SDK2: variants seen among roughly 807,000 people sequenced by gnomAD.
SDK2 encodes the protein protein sidekick-2.
SDK2 carries 105 observed loss-of-function variants against 253.9 expected under a neutral mutation model. That is an observed-to-expected ratio of 0.41 (90% CI 0.35 to 0.49). The LOEUF (loss-of-function observed/expected upper bound fraction) is 0.49. Ranked by LOEUF, SDK2 falls within the 20% of genes least tolerant of loss-of-function variation. SDK2 has a pLI of 0.06. For missense variants in SDK2, 2,608 were observed against 3,003.0 expected, an observed-to-expected ratio of 0.87 and a Z score of 3.07; for synonymous variants, 1,249 against 1,234.9, an observed-to-expected ratio of 1.01 and a Z score of -0.24.
intron 1 of SDK2, among the ~76,000 whole-genome samples, chr17:73,572,828 C>A (rs1444419779): frequency 6.6e-6 from 1 of 152,196 alleles, no homozygotes; most frequent in African/African-American, 2.4e-5. Flanking sequence ...ACTCCTCCAC[C>A]CCAATCTGGT....
chr17:73,630,441 C>G (rs767023474), intron 1 of SDK2, among the ~76,000 whole-genome samples: 2 of 152,084 alleles, frequency 1.3e-5, no homozygotes, highest in Non-Finnish European at 2.9e-5. Context: ...GATGAAAGGG[C>G]ACCCCCTCAT....
intron 1 of SDK2, among the ~76,000 whole-genome samples, chr17:73,587,088 C>G (rs1253120189): frequency 6.6e-6 from 1 of 152,174 alleles, no homozygotes; most frequent in Admixed American, 6.5e-5. Flanking sequence ...TAGAGATATT[C>G]CACTAAGTGA....
At chr17:73,427,741 A>C (rs1267995028) in intron 12 of SDK2, among the ~76,000 whole-genome samples, 1 of 152,106 alleles carries the variant, frequency 6.6e-6, no homozygotes, top group Non-Finnish European at 1.5e-5. Context: ...GCAAAGCTAT[A>C]AAACTCCTAG....
rs1259661257 is a variant in SDK2 at position 73,431,641 on chromosome 17, C to G, written c.1341G>C (p.Val447=). The G allele has an allele frequency of 2.5e-6, 4 of 1,611,636 alleles. No homozygotes were observed. The highest frequency in any genetic ancestry group is 3.4e-6 in the Non-Finnish European group (4 of 1,178,954). ...KGERILASGS[V]QLPRFTPLES... ...CCAGGGGTGTGAAGCGAGGCAGCTG[C>G]ACAGAGCCACTGGCCAAGATGCGCT... is the stretch of plus-strand genomic sequence containing the variant. Residue 447 remains valine (V), a synonymous_variant, in exon 11 of 45, where the codon GTG becomes GTC. Transcript: ENST00000392650. This position sits in a 1 kb window ranked among gnomAD's most constrained non-coding sequence, Gnocchi z 5.6.
Position 73,361,537 on chromosome 17 carries a change from G to C in SDK2, c.5467+147C>G, listed in dbSNP as rs1008854172. The C allele has an allele frequency of 3.7e-5, 26 of 712,138 alleles. No homozygotes were observed. In the Middle Eastern group the frequency reaches 1.4e-3, roughly 37 times the overall value. The allele number at this position is 712,138 out of a possible 1,614,324, so 44.1% of individuals were successfully genotyped here. On this transcript the variant is annotated intron_variant, in intron 39 of 44. Transcript: ENST00000392650. The surrounding 1 kb of genome is among the most constrained non-coding windows in gnomAD (Gnocchi z 4.1). The stretch of plus-strand genomic sequence containing the variant: ...AGCCCGGGAGGAGGGAGCGGGGGGA[G>C]GGGTCACTGGGCACCAGGGGAAAGA...
At chr17:73,553,987 G>A (rs2045104875) in intron 1 of SDK2, among the ~76,000 whole-genome samples, 2 of 152,176 alleles carry the variant, frequency 1.3e-5, no homozygotes, top group Admixed American at 6.5e-5. Flanking sequence ...CATGGAGGGA[G>A]GGTTACTAGG....
chr17:73,452,879 A>C (rs1330873876), intron 4 of SDK2, among the ~76,000 whole-genome samples: 1 of 152,136 alleles, frequency 6.6e-6, no homozygotes, highest in Admixed American at 6.5e-5. Flanking sequence ...CTGTGTGGAG[A>C]GCATTCCCCT....
intron 2 of SDK2, among the ~76,000 whole-genome samples, chr17:73,482,323 T>C (rs1205458198): frequency 6.6e-6 from 1 of 151,566 alleles, no homozygotes; most frequent in Non-Finnish European, 1.5e-5. Context: ...TGGTTCCTCA[T>C]AGGGCTGAGC....
chr17:73,372,850 T>G (rs934669327), intron 36 of SDK2, among the ~76,000 whole-genome samples: 3 of 152,256 alleles, frequency 2.0e-5, no homozygotes, highest in African/African-American at 7.2e-5. Flanking sequence ...TATGAAATGA[T>G]TACCACAATC....
intron 1 of SDK2, among the ~76,000 whole-genome samples, chr17:73,574,617 A>G (rs926672315): frequency 1.3e-5 from 2 of 152,114 alleles, no homozygotes. Flanking sequence ...CCAGGAGACA[A>G]GGTCCTCTGT....
intron 30 of SDK2, 31 bp downstream of exon 30, chr17:73,387,805 G>A (rs2062885615): frequency 2.6e-6 from 4 of 1,517,320 alleles, no homozygotes; most frequent in Admixed American, 2.0e-5. Context: ...GAGAGGGGCA[G>A]TGGGGATGCT....
At chr17:73,385,248 C>A (rs1468037411) in intron 32 of SDK2, among the ~76,000 whole-genome samples, 2 of 152,150 alleles carry the variant, frequency 1.3e-5, no homozygotes, top group Non-Finnish European at 2.9e-5. Context: ...GGGGCAGGAC[C>A]CATGAGCAGC....
chr17:73,483,225 G>GC (rs575269416), intron 2 of SDK2, among the ~76,000 whole-genome samples: 297 of 151,662 alleles, frequency 2.0e-3, no homozygotes, highest in African/African-American at 6.9e-3. Flanking sequence ...CTGTGTCTGA[G>GC]CCCAGCTGGG....
Position 73,361,795 on chromosome 17 carries a change from G to A in SDK2, c.5356C>T (p.Leu1786=). 1 of 1,609,368 alleles carries A rather than the reference G, an allele frequency of 6.2e-7. No homozygotes were observed. ...VDVKGNSPLW[L]KVKDLAEGVT... ...CCCTCCGCCAGGTCCTTCACCTTCA[G>A]CCACAGGGGGCTGTTCCCCTTCACG... The change falls in exon 39 of 45, where the codon CTG becomes TTG. Residue 1786 remains leucine (L), a synonymous_variant. Transcript: ENST00000392650. The surrounding 1 kb of genome is among the most constrained non-coding windows in gnomAD (Gnocchi z 4.1).
intron 31 of SDK2, 123 bp downstream of exon 31, chr17:73,386,322 A>G (rs2062871431): frequency 1.4e-6 from 1 of 727,776 alleles, no homozygotes; most frequent in Non-Finnish European, 2.3e-6. Flanking sequence ...CCGGGAGCTG[A>G]AGGGCCCAGT....
chr17:73,561,941 C>T (rs968807961), intron 1 of SDK2, among the ~76,000 whole-genome samples: 2 of 152,162 alleles, frequency 1.3e-5, no homozygotes, highest in Non-Finnish European at 2.9e-5. Flanking sequence ...GCCTGATCAA[C>T]ATGGTGAAAC....
chr17:73,622,341 G>A (rs1295369713), intron 1 of SDK2, among the ~76,000 whole-genome samples: 5 of 152,224 alleles, frequency 3.3e-5, no homozygotes, highest in Non-Finnish European at 7.3e-5. Context: ...ATCTGCATGT[G>A]CAGATTTCAG....
chr17:73,341,906 G>T (rs779868730), intron 44 of SDK2, among the ~76,000 whole-genome samples: 2 of 152,094 alleles, frequency 1.3e-5, no homozygotes, highest in African/African-American at 4.8e-5. Flanking sequence ...CCTGAGCACC[G>T]ACGCTGCCTG....
intron 12 of SDK2, among the ~76,000 whole-genome samples, chr17:73,424,459 ATGC>A (rs2063263044): frequency 6.6e-6 from 1 of 152,224 alleles, no homozygotes; most frequent in Non-Finnish European, 1.5e-5. Flanking sequence ...GAAAAAAGGA[ATGC>A]AAGTTTCCTC....
Sources: gnomAD v4.1 joint callset for allele counts (sites outside exome capture counted in the v4.1 genomes callset) on GRCh38, gnomAD v4.1.1 for gene constraint, Gnocchi (gnomAD v3.1) non-coding constraint, MANE v1.5 for transcripts, NCBI Gene and HGNC (gene_info 2026-07-23, HGNC 2026-07-21) for gene names.